TNKS2: variants seen among roughly 807,000 people sequenced by gnomAD.
TNKS2 encodes the protein tankyrase 2, also known as poly [ADP-ribose] polymerase tankyrase-2.
Under a neutral mutation model 137.6 loss-of-function variants are expected in TNKS2, and 72 were observed. The observed-to-expected ratio is 0.52, with a 90% CI of 0.43 to 0.64. The LOEUF (loss-of-function observed/expected upper bound fraction) is 0.64, where lower values mean the gene tolerates loss of function less well. Among genes scored for constraint, TNKS2 ranks in the 30% least tolerant of loss-of-function variants. TNKS2 has a pLI of 0.00. For synonymous variants in TNKS2, 516 were observed against 512.1 expected (o/e 1.01, Z -0.10); for missense variants, 1,049 against 1,410.2 (o/e 0.74, Z 4.10).
chr10:91,835,592 C>CTTT (rs35247985), intron 12 of TNKS2, among the ~76,000 whole-genome samples: 30 of 109,362 alleles, frequency 2.7e-4, no homozygotes, highest in African/African-American at 3.9e-4. Context: ...CCCGGCCTTT[C>CTTT]TTTTTTTTTT....
intron 16 of TNKS2, among the ~76,000 whole-genome samples, chr10:91,844,347 T>C (rs1196087018): frequency 1.3e-5 from 2 of 152,208 alleles, no homozygotes; most frequent in African/African-American, 4.8e-5. Flanking sequence ...AAAACTATAA[T>C]AGAAATAAGT....
chr10:91,812,670 C>G (rs1844547197), intron 1 of TNKS2: 1 of 597,558 alleles, frequency 1.7e-6, no homozygotes, highest in Non-Finnish European at 2.1e-6. Context: ...ACGCAGAACT[C>G]TATTGTAGAG....
chr10:91,831,025 A>C lies in TNKS2; in HGVS notation c.1196+11A>C, dbSNP rs748440033. On this transcript the variant is annotated intron_variant, in intron 10 of 26. Transcript: ENST00000371627. ...TGAAAAGACTAAAGAGTAAGTATAC[A>C]TTTAATGATTAAATATCATTGAGAT... 1.3e-5 allele frequency: 21 copies of C among 1,611,660 alleles called. No homozygotes were observed. The Admixed American group carries it at 3.2e-4, about 24-fold the overall frequency.
rs1293117352 is a variant in TNKS2, at chr10:91,864,495, A to C, written c.*1496A>C. 1 of 152,426 alleles carries C rather than the reference A, an allele frequency of 6.6e-6. No homozygotes were observed. Among genetic ancestry groups the C allele is most frequent in the Non-Finnish European group, 1.5e-5 (1 of 68,020 alleles). 9.4% of individuals were successfully genotyped at this position (152,426 alleles called of 1,614,324 possible). A position where few individuals can be genotyped will look rare whatever the true frequency, so the allele number is the denominator to read the frequency against. ...TCCCCATCACTGTCTGTACCAGTTCACCTTTATTTTACGTTTTATTCAGTC... is the reference window on the plus strand; with the variant it reads ...TCCCCATCACTGTCTGTACCAGTTCCCCTTTATTTTACGTTTTATTCAGTC... On this transcript the variant is annotated 3_prime_UTR_variant, in exon 27 of 27. Transcript: ENST00000371627.
chr10:91,817,153 T>G lies in TNKS2; in HGVS notation c.444T>G (p.Ala148=). The change falls in exon 3 of 27, where the codon GCT becomes GCG. Residue 148 remains alanine, a synonymous_variant. Transcript: ENST00000371627. ...TTGCAGTGCTGTTACAGCATGGAGC[T>G]GAGCCAACCATCCGAAATACAGATG... The part of the protein sequence containing the change: ...DVCIVLLQHG[A]EPTIRNTDGR... 1 of 1,613,704 alleles carries G rather than the reference T, an allele frequency of 6.2e-7. No individual in the cohort carries two copies. Among genetic ancestry groups the G allele is most frequent in the Non-Finnish European group, 8.5e-7 (1 of 1,179,780 alleles).
In TNKS2 at chr10:91,828,532, A is replaced by T. The variant is rs570474719; in HGVS notation, c.1104+126A>T. ...GTTTTAAAAAATTACTGCCTATGCA[A>T]ATATTTTTTAAAAATTTAAACAGTA... On this transcript the variant is annotated intron_variant, in intron 9 of 26. Coordinates refer to ENST00000371627, the MANE Select transcript of TNKS2 (RefSeq NM_025235.4). The T allele has an allele frequency of 1.6e-4, 161 of 1,034,552 alleles. 2 individuals are homozygous for T. Among genetic ancestry groups the T allele is most frequent in the Middle Eastern group, 1.2e-3 (4 of 3,470 alleles). 64.1% of individuals were successfully genotyped at this position (1,034,552 alleles called of 1,614,324 possible).
intron 19 of TNKS2, 106 bp from the exon 20 acceptor site, chr10:91,849,406 T>C (rs924374906): frequency 2.1e-5 from 17 of 800,428 alleles, no homozygotes; most frequent in African/African-American, 7.1e-5. Context: ...GCTATTAATA[T>C]TATTTTCTTC....
chr10:91,830,790 CAA>C (rs745896346), intron 9 of TNKS2, 131 bp from the exon 10 acceptor site: 41 of 763,948 alleles, frequency 5.4e-5, no homozygotes, highest in South Asian at 1.2e-4. Context: ...AATCAAAAGT[CAA>C]GAGCAAAGTT....
chr10:91,819,594 TG>T, intron 5 of TNKS2, 37 bp downstream of exon 5: 1 of 1,435,682 alleles, frequency 7.0e-7, no homozygotes, highest in Non-Finnish European at 9.5e-7. Flanking sequence ...GCTTATCTCC[TG>T]GTAACATGAA....
rs1842536476 is a variant in TNKS2 at position 91,851,473 on chromosome 10, G to A, written c.2815+137G>A. The A allele has an allele frequency of 4.8e-6, 5 of 1,039,436 alleles. No individual in the cohort carries two copies. In the Admixed American group the frequency reaches 1.6e-4, roughly 34 times the overall value. The allele number at this position is 1,039,436 out of a possible 1,614,324, so 64.4% of individuals were successfully genotyped here. Reference sequence around the variant, plus strand: ...TACTAATTTAGGATTCAGGAAACTGGGATTAAGTCTTAGCTGTGCTACTGA... The same window carrying A: ...TACTAATTTAGGATTCAGGAAACTGAGATTAAGTCTTAGCTGTGCTACTGA... On this transcript the variant is annotated intron_variant, in intron 21 of 26. Coordinates refer to ENST00000371627, the MANE Select transcript of TNKS2 (RefSeq NM_025235.4).
chr10:91,817,867 A>G (rs3802650), intron 3 of TNKS2, among the ~76,000 whole-genome samples: 77,632 of 152,014 alleles, frequency 0.51, 20,297 homozygotes, highest in East Asian at 0.72. Context: ...TCCCTTGTTA[A>G]TGTGCTTTCC....
chr10:91,827,297 T>C, intron 8 of TNKS2, 94 bp downstream of exon 8: 1 of 1,106,496 alleles, frequency 9.0e-7, no homozygotes, highest in South Asian at 3.0e-5. Context: ...GTTTAAATAA[T>C]AGAATATTTT....
intron 1 of TNKS2, among the ~76,000 whole-genome samples, chr10:91,800,506 G>A (rs1353430425): frequency 6.6e-6 from 1 of 152,186 alleles, no homozygotes; most frequent in Non-Finnish European, 1.5e-5. Context: ...TAGATCCTCA[G>A]TGACCTTGTT....
chr10:91,798,487 CGGGGCAGCCGG>C lies in TNKS2; in HGVS notation c.-196_-186del, dbSNP rs1204815816. 1.1e-5 allele frequency: 5 copies of C among 468,204 alleles called. No homozygotes were observed. In the South Asian group the frequency reaches 4.3e-4, roughly 40 times the overall value. 29.0% of individuals were successfully genotyped at this position (468,204 alleles called of 1,614,324 possible). A position where few individuals can be genotyped will look rare whatever the true frequency, so the allele number is the denominator to read the frequency against. On this transcript the variant is annotated 5_prime_UTR_variant, in exon 1 of 27. Coordinates refer to ENST00000371627, the MANE Select transcript of TNKS2 (RefSeq NM_025235.4). ...CGGATTCGCGCTGCCTCCGCCGCCG[CGGGGCAGCCGG>C]GGGGCAGGGAGCCCAGCGAGGGGCG...
chr10:91,852,927 T>C (rs1191510795), intron 21 of TNKS2, among the ~76,000 whole-genome samples: 1 of 152,244 alleles, frequency 6.6e-6, no homozygotes, highest in Non-Finnish European at 1.5e-5. Context: ...CTTGGCTGTT[T>C]CTAGTATAGA....
At chr10:91,826,201 T>A (rs1845063794) in intron 7 of TNKS2, among the ~76,000 whole-genome samples, 1 of 152,246 alleles carries the variant, frequency 6.6e-6, no homozygotes, top group African/African-American at 2.4e-5. Context: ...ATAACATTTT[T>A]AATAATTTTG....
At chr10:91,836,561 A>G in intron 12 of TNKS2, 1 of 853,614 alleles carries the variant, frequency 1.2e-6, no homozygotes, top group Non-Finnish European at 1.4e-6. Flanking sequence ...TGACAGAACC[A>G]CAGTTAGATT....
chr10:91,857,912 C>T (rs1190370837), intron 24 of TNKS2, among the ~76,000 whole-genome samples: 2 of 152,086 alleles, frequency 1.3e-5, no homozygotes, highest in Admixed American at 1.3e-4. Context: ...GATTTTGATT[C>T]TAAGTATCAA....
At chr10:91,810,398 C>CA (rs11387458) in intron 1 of TNKS2, among the ~76,000 whole-genome samples, 73,508 of 151,222 alleles carry the variant, frequency 0.49, 18,139 homozygotes, top group South Asian at 0.65. Flanking sequence ...ACAACAACAA[C>CA]AAAAAAAACC....
Sources: allele counts gnomAD v4.1 joint callset (sites outside exome capture counted in the v4.1 genomes callset), GRCh38; gene constraint gnomAD v4.1.1; transcripts MANE v1.5; gene names NCBI Gene and HGNC (gene_info 2026-07-23, HGNC 2026-07-21).